Variants in CD53 observed in about 807,000 individuals in gnomAD.
CD53 encodes CD53 molecule.
Under a neutral mutation model 27.3 loss-of-function variants are expected in CD53, and 20 were observed. The ratio of observed to expected loss-of-function variants is 0.73; its 90% CI spans 0.52 to 1.07. The LOEUF (loss-of-function observed/expected upper bound fraction) is 1.07. Ranked by LOEUF, CD53 falls within the 50% of genes least tolerant of loss-of-function variation. The pLI, the probability that CD53 is intolerant of heterozygous loss-of-function variation, is 0.00. For synonymous variants in CD53, 106 were observed against 105.3 expected, an observed-to-expected ratio of 1.01 and a Z score of -0.04; for missense variants, 216 against 264.0, an observed-to-expected ratio of 0.82 and a Z score of 1.26.
At chr1:110,897,564 C>G in intron 6 of CD53, 1 of 326,758 alleles carries the variant, frequency 3.1e-6, no homozygotes, top group Non-Finnish European at 5.6e-6. Flanking sequence ...TTTAACTCAG[C>G]GGGTAAGGAT....
rs928299892 is a variant in CD53, at chr1:110,894,339, C to T, written c.265C>T (p.Leu89=). The change falls in exon 4 of 8, where the codon CTG becomes TTG. Residue 89 remains leucine (L), a synonymous_variant. Transcript: ENST00000271324. ...KCLLMSFFIL[L]LIILLAEVTL... ...TGCTTTGTCCCAGTTCTTCATCCTG[C>T]TGCTGATTATCCTCCTTGCTGAGGT... The T allele has an allele frequency of 1.4e-5, 22 of 1,613,998 alleles. No individual in the cohort carries two copies. The Admixed American group carries it at 1.5e-4, about 11-fold the overall frequency.
rs756598620 is a variant in CD53, at chr1:110,894,967, A to G, written c.335A>G (p.Glu112Gly). 7.4e-6 allele frequency: 12 copies of G among 1,613,390 alleles called. No homozygotes were observed. The highest frequency in any genetic ancestry group is 1.0e-5 in the Non-Finnish European group (12 of 1,179,516). The change falls in exon 5 of 8, where the codon GAG (glutamate) becomes GGG (glycine). Residue 112 changes from glutamate to glycine, a missense_variant. Coordinates refer to ENST00000271324, the MANE Select transcript of CD53 (RefSeq NM_000560.4). ...TGGAATGTGCCTGCCCAGCTGAATG[A>G]GTATGTGGCTAAGGGTCTGACCGAC... ...LLFVYEQKLN[E>G]YVAKGLTDSI... is the part of the protein sequence containing the mutation.
intron 1 of CD53, among the ~76,000 whole-genome samples, chr1:110,876,827 A>G (rs1316289864): frequency 6.6e-6 from 1 of 152,140 alleles, no homozygotes; most frequent in East Asian, 1.9e-4. Flanking sequence ...ATTATGAAAA[A>G]TTTCTAAATC....
intron 1 of CD53, among the ~76,000 whole-genome samples, chr1:110,884,684 T>TTTATAA (rs57388210): frequency 0.72 from 109,177 of 151,154 alleles, 41,407 homozygotes; most frequent in Non-Finnish European, 0.84. Flanking sequence ...AATCAGTCCC[T>TTTATAA]TTATAAAGTA....
At chr1:110,890,655 G>C (rs1656815003) in intron 1 of CD53, among the ~76,000 whole-genome samples, 1 of 152,198 alleles carries the variant, frequency 6.6e-6, no homozygotes, top group South Asian at 2.1e-4. Context: ...TTCTAGAATT[G>C]AGAACCAGAC....
chr1:110,892,270 C>T, intron 2 of CD53, 75 bp from the exon 3 acceptor site: 1 of 1,027,446 alleles, frequency 9.7e-7, no homozygotes, highest in Non-Finnish European at 1.6e-6. Flanking sequence ...ATTCTGATCT[C>T]AAGGAAGTGA....
intron 1 of CD53, among the ~76,000 whole-genome samples, chr1:110,888,730 T>G (rs1056766115): frequency 6.6e-6 from 1 of 152,250 alleles, no homozygotes; most frequent in African/African-American, 2.4e-5. Context: ...TAATCCATAT[T>G]GAAAAATTAC....
intron 1 of CD53, among the ~76,000 whole-genome samples, chr1:110,885,725 G>A (rs989762078): frequency 6.6e-6 from 1 of 151,712 alleles, no homozygotes; most frequent in South Asian, 2.1e-4. Context: ...TTAGCTGGGC[G>A]TGGTGGTGCA....
At chr1:110,884,721 C>T (rs1656499674) in intron 1 of CD53, among the ~76,000 whole-genome samples, 1 of 151,810 alleles carries the variant, frequency 6.6e-6, no homozygotes. Context: ...ATAATTTTTT[C>T]TGTAATAGTG....
rs762351480 is a variant in CD53 at position 110,896,679 on chromosome 1, G to A, written c.450G>A (p.Thr150=). ...TGCAGTGTTGTGGTATAAATGGCAC[G>A]AGTGATTGGACCAGTGGCCCACCAG... ...SFLQCCGING[T]SDWTSGPPAS... Residue 150 remains threonine, a synonymous_variant, in exon 6 of 8, where the codon ACG becomes ACA. Coordinates refer to ENST00000271324, the MANE Select transcript of CD53 (RefSeq NM_000560.4). The A allele has an allele frequency of 1.6e-5, 26 of 1,613,562 alleles. No homozygotes were observed. The highest frequency in any genetic ancestry group is 1.7e-4 in the Middle Eastern group (1 of 6,060).
intron 1 of CD53, among the ~76,000 whole-genome samples, chr1:110,889,728 T>TA (rs1389360312): frequency 3.3e-5 from 5 of 152,168 alleles, no homozygotes; most frequent in Non-Finnish European, 5.9e-5. Flanking sequence ...AAATTGTGAC[T>TA]GGAACTGTTA....
intron 1 of CD53, among the ~76,000 whole-genome samples, chr1:110,883,345 GACTA>G (rs1570900289): frequency 6.6e-6 from 1 of 151,946 alleles, no homozygotes; most frequent in East Asian, 1.9e-4. Context: ...TCATTAATAT[GACTA>G]ATTAAGTAGT....
In CD53 at chr1:110,895,009, A is replaced by G. The variant is rs1197181215; in HGVS notation, c.377A>G (p.His126Arg). 6.2e-7 allele frequency: 1 copy of G among 1,613,974 alleles called. No individual in the cohort carries two copies. Among genetic ancestry groups the G allele is most frequent in the East Asian group, 2.2e-5 (1 of 44,872 alleles). The change falls in exon 5 of 8, where the codon CAC becomes CGC. Residue 126 changes from histidine (H) to arginine (R), a missense_variant. By Grantham distance (29) the His-to-Arg change is conservative. Transcript: ENST00000271324. Reference protein sequence around the residue: ...KGLTDSIHRYHSDNSTKAAWD... With the variant: ...KGLTDSIHRYRSDNSTKAAWD... The stretch of plus-strand genomic sequence containing the variant: ...CTGACCGACAGCATCCACCGTTACC[A>G]CTCAGACAATAGCACCAAGGCAGCG...
At chr1:110,885,787 C>G (rs774111594) in intron 1 of CD53, among the ~76,000 whole-genome samples, 1 of 151,682 alleles carries the variant, frequency 6.6e-6, no homozygotes, top group African/African-American at 2.4e-5. Context: ...TTTCTTGAAC[C>G]TGAGAGGCGG....
chr1:110,892,325 T>C lies in CD53; in HGVS notation c.64-20T>C, dbSNP rs1364347042. On this transcript the variant is annotated intron_variant, in intron 2 of 7. Coordinates refer to ENST00000271324, the MANE Select transcript of CD53 (RefSeq NM_000560.4). ...AGAACCACATTTTGCTTCAGGATGTTGTGGGATTCTTCCTTTCAGATCTGT... is the reference window on the plus strand; with the variant it reads ...AGAACCACATTTTGCTTCAGGATGTCGTGGGATTCTTCCTTTCAGATCTGT... 1.5e-5 allele frequency: 24 copies of C among 1,603,132 alleles called. No individual in the cohort carries two copies. Among genetic ancestry groups the C allele is most frequent in the Non-Finnish European group, 1.8e-5 (21 of 1,170,016 alleles).
At chr1:110,887,892 A>G (rs1199626121) in intron 1 of CD53, among the ~76,000 whole-genome samples, 1 of 152,214 alleles carries the variant, frequency 6.6e-6, no homozygotes, top group Non-Finnish European at 1.5e-5. Context: ...TGCACCTTAT[A>G]GGGCAAAGAT....
In CD53 at chr1:110,896,707, T is replaced by C; in HGVS notation, c.478T>C (p.Ser160Pro). The C allele has an allele frequency of 2.5e-6, 4 of 1,613,530 alleles. No individual in the cohort carries two copies. The highest frequency in any genetic ancestry group is 3.4e-6 in the Non-Finnish European group (4 of 1,179,752). ...TGATTGGACCAGTGGCCCACCAGCA[T>C]CTTGCCCCTCAGATCGAAAAGTGGA... ...TSDWTSGPPASCPSDRKVEGC... is the reference protein window; with the variant it reads ...TSDWTSGPPAPCPSDRKVEGC... Residue 160 changes from serine (S) to proline (P), a missense_variant, in exon 6 of 8, where the codon TCT becomes CCT. Transcript: ENST00000271324.
chr1:110,899,270 C>A lies in CD53; in HGVS notation c.*75C>A. ...AAACCATTTATAGCATGAAGCCCTA[C>A]ATGATCACTGCAGGATGATCCTCCT... is the stretch of plus-strand genomic sequence containing the variant. On this transcript the variant is annotated 3_prime_UTR_variant, in exon 8 of 8. Coordinates refer to ENST00000271324, the MANE Select transcript of CD53 (RefSeq NM_000560.4). 9.7e-7 allele frequency: 1 copy of A among 1,028,750 alleles called. No individual in the cohort carries two copies. Among genetic ancestry groups the A allele is most frequent in the Non-Finnish European group, 1.5e-6 (1 of 655,870 alleles). 63.7% of individuals were successfully genotyped at this position (1,028,750 alleles called of 1,614,324 possible).
chr1:110,874,200 G>A (rs1570892330), intron 1 of CD53, among the ~76,000 whole-genome samples: 1 of 152,204 alleles, frequency 6.6e-6, no homozygotes, highest in Non-Finnish European at 1.5e-5. Flanking sequence ...TATGAGGATT[G>A]GGAACAGGGC....
Sources: allele counts gnomAD v4.1 joint callset (sites outside exome capture counted in the v4.1 genomes callset), GRCh38; gene constraint gnomAD v4.1.1; transcripts MANE v1.5; gene names NCBI Gene and HGNC (gene_info 2026-07-23, HGNC 2026-07-21).